Variants in AGBL1 observed in about 807,000 individuals in gnomAD.
AGBL1 encodes cytosolic carboxypeptidase 4.
Under a neutral mutation model 118.9 loss-of-function variants are expected in AGBL1, and 130 were observed. That is an observed-to-expected ratio of 1.09 (90% CI 0.95 to 1.26). The LOEUF (loss-of-function observed/expected upper bound fraction) is 1.26, where lower values mean the gene tolerates loss of function less well. Among genes scored for constraint, AGBL1 ranks in the 50% most tolerant of loss-of-function variants. The pLI is 0.00. For synonymous variants in AGBL1, 555 were observed against 478.9 expected, an observed-to-expected ratio of 1.16 and a Z score of -2.08; for missense variants, 1,584 against 1,298.1, an observed-to-expected ratio of 1.22 and a Z score of -3.38.
chr15:86,625,112 A>C (rs936529043), intron 21 of AGBL1, among the ~76,000 whole-genome samples: 4 of 152,116 alleles, frequency 2.6e-5, no homozygotes, highest in Non-Finnish European at 5.9e-5. Flanking sequence ...GATCTGCATC[A>C]TTTATTTGGA....
intron 23 of AGBL1, among the ~76,000 whole-genome samples, chr15:86,972,415 A>C (rs1480244632): frequency 6.6e-6 from 1 of 151,802 alleles, no homozygotes; most frequent in East Asian, 1.9e-4. Flanking sequence ...CATAGACTTC[A>C]TTCAGGCTTG....
At chr15:86,454,895 A>G (rs1047927357) in intron 18 of AGBL1, among the ~76,000 whole-genome samples, 6 of 152,180 alleles carry the variant, frequency 3.9e-5, no homozygotes, top group Non-Finnish European at 8.8e-5. Flanking sequence ...AACCTCAATA[A>G]TGTTAATTTA....
At chr15:86,951,358 G>T (rs1194818609) in intron 23 of AGBL1, among the ~76,000 whole-genome samples, 1 of 152,084 alleles carries the variant, frequency 6.6e-6, no homozygotes, top group Non-Finnish European at 1.5e-5. Flanking sequence ...AAATACTTAC[G>T]TTCATCAAAA....
intron 18 of AGBL1, among the ~76,000 whole-genome samples, chr15:86,407,550 A>G (rs905463566): frequency 1.3e-5 from 2 of 152,210 alleles, no homozygotes; most frequent in African/African-American, 4.8e-5. Flanking sequence ...ATTCCAGAAC[A>G]GAAAGGCTTC....
chr15:86,191,450 GA>G (rs977914873), intron 5 of AGBL1, among the ~76,000 whole-genome samples: 22 of 150,936 alleles, frequency 1.5e-4, no homozygotes, highest in African/African-American at 5.1e-4. Flanking sequence ...TACAGCAAAA[GA>G]GTTAATTTGT....
chr15:87,016,950 A>G (rs907867086), intron 24 of AGBL1, among the ~76,000 whole-genome samples: 3 of 152,130 alleles, frequency 2.0e-5, no homozygotes, highest in African/African-American at 7.2e-5. Flanking sequence ...GGAGTTTTGC[A>G]TACTGTGGCC....
chr15:86,579,337 C>T (rs945370560), intron 21 of AGBL1, among the ~76,000 whole-genome samples: 1 of 152,172 alleles, frequency 6.6e-6, no homozygotes, highest in African/African-American at 2.4e-5. Context: ...CATCACTGAA[C>T]TGCAAGATTT....
intron 1 of AGBL1, among the ~76,000 whole-genome samples, chr15:86,123,628 A>G (rs115173707): frequency 6.6e-6 from 1 of 152,212 alleles, no homozygotes; most frequent in Non-Finnish European, 1.5e-5. Flanking sequence ...CCAATCAAAA[A>G]ATGTTTGAAT....
intron 23 of AGBL1, among the ~76,000 whole-genome samples, chr15:86,954,853 A>T (rs1452180961): frequency 6.6e-6 from 1 of 152,134 alleles, no homozygotes; most frequent in Non-Finnish European, 1.5e-5. Context: ...TCTCTTTCTG[A>T]ATTTTAATTG....
intron 17 of AGBL1, among the ~76,000 whole-genome samples, chr15:86,343,550 G>C: frequency 6.6e-6 from 1 of 152,176 alleles, no homozygotes; most frequent in South Asian, 2.1e-4. Flanking sequence ...TCCTCACAGG[G>C]AAGATGCCTC....
chr15:86,402,334 A>G (rs1426018560), intron 18 of AGBL1, among the ~76,000 whole-genome samples: 8 of 152,032 alleles, frequency 5.3e-5, no homozygotes, highest in Admixed American at 3.3e-4. Context: ...GAATTCATTG[A>G]TTAGATGTAG....
intron 3 of AGBL1, among the ~76,000 whole-genome samples, chr15:86,148,676 G>C (rs2077064534): frequency 6.6e-6 from 1 of 152,180 alleles, no homozygotes; most frequent in Non-Finnish European, 1.5e-5. Flanking sequence ...GTGATGGGGA[G>C]AAAGGAACCA....
rs56915705 is a variant in AGBL1 at position 86,280,312 on chromosome 15, G to A, written c.2220+529G>A. ...GAAGGATCCAGGGTGGAAGAGAAAA[G>A]TGTAAGAATAAAACACTAGATCATT... On this transcript the variant is annotated intron_variant, in intron 16 of 22. Coordinates refer to ENST00000614907, the MANE Select transcript of AGBL1 (RefSeq NM_001386094.1). Among the ~76,000 whole-genome samples the A allele has an allele frequency of 3.6e-3, 550 of 152,246 alleles. 3 individuals are homozygous for A. The highest frequency in any genetic ancestry group is 0.013 in the African/African-American group (526 of 41,536).
chr15:86,652,459 T>C (rs2085390234), intron 21 of AGBL1, among the ~76,000 whole-genome samples: 1 of 152,162 alleles, frequency 6.6e-6, no homozygotes, highest in Admixed American at 6.5e-5. Context: ...TCCTGATTTA[T>C]CCATTCTAGA....
chr15:86,660,200 C>A (rs974136457), intron 21 of AGBL1, among the ~76,000 whole-genome samples: 3 of 151,936 alleles, frequency 2.0e-5, no homozygotes, highest in African/African-American at 7.3e-5. Flanking sequence ...ACTGCAGTAT[C>A]TTCATTTTCA....
chr15:86,755,001 A>T lies in AGBL1; in HGVS notation c.3158+80565A>T, dbSNP rs557938538. Among the ~76,000 whole-genome samples the T allele has an allele frequency of 2.0e-5, 3 of 152,228 alleles. No individual in the cohort carries two copies. The East Asian group carries it at 5.8e-4, about 30-fold the overall frequency. On this transcript the variant is annotated intron_variant, in intron 22 of 22. Transcript: ENST00000614907. ...AGAAGGAGGGGGTATATGATGTGGG[A>T]CTTGAGATTTATCAGAAACCTTTCA...
intron 18 of AGBL1, among the ~76,000 whole-genome samples, chr15:86,476,823 A>C (rs1292367869): frequency 6.6e-6 from 1 of 152,226 alleles, no homozygotes; most frequent in Admixed American, 6.5e-5. Context: ...TTGACCACAT[A>C]GTTGGAAGTA....
chr15:86,918,875 G>C (rs796346073), downstream of AGBL1, among the ~76,000 whole-genome samples: 5 of 152,332 alleles, frequency 3.3e-5, no homozygotes, highest in African/African-American at 1.2e-4. Flanking sequence ...AATCGGGTCT[G>C]GATTGGGATC....
intron 21 of AGBL1, among the ~76,000 whole-genome samples, chr15:86,640,821 C>T (rs746245765): frequency 7.2e-5 from 11 of 152,136 alleles, no homozygotes; most frequent in African/African-American, 2.6e-4. Context: ...AAATAATTAG[C>T]CAGTTTACAT....
Sources: allele counts gnomAD v4.1 joint callset (sites outside exome capture counted in the v4.1 genomes callset), GRCh38; gene constraint gnomAD v4.1.1; transcripts MANE v1.5; gene names NCBI Gene and HGNC (gene_info 2026-07-23, HGNC 2026-07-21).